CHRM5: variants seen among roughly 807,000 people sequenced by gnomAD.
CHRM5 encodes muscarinic acetylcholine receptor M5.
Under a neutral mutation model 39.0 loss-of-function variants are expected in CHRM5, and 18 were observed. The observed-to-expected ratio is 0.46, with a 90% CI of 0.32 to 0.68. The LOEUF (loss-of-function observed/expected upper bound fraction) is 0.68, where lower values mean the gene tolerates loss of function less well. Among genes scored for constraint, CHRM5 ranks in the 30% least tolerant of loss-of-function variants. The pLI is 0.04. For missense variants in CHRM5, 515 were observed against 651.1 expected, an observed-to-expected ratio of 0.79 and a Z score of 2.28; for synonymous variants, 241 against 246.3, an observed-to-expected ratio of 0.98 and a Z score of 0.20.
chr15:33,983,154 GTGTGTA>G (rs1346122590), intron 1 of CHRM5, among the ~76,000 whole-genome samples: 6 of 111,708 alleles, frequency 5.4e-5, no homozygotes, highest in East Asian at 3.1e-4. Context: ...GTGTGTGTGT[GTGTGTA>G]TGTGTGTGTG....
intron 1 of CHRM5, among the ~76,000 whole-genome samples, chr15:34,034,446 TA>T (rs34205777): frequency 0.14 from 20,725 of 143,672 alleles, 2,079 homozygotes; most frequent in African/African-American, 0.29. Flanking sequence ...GTTTCTTTTT[TA>T]AAAAAAAAAA....
chr15:34,015,398 C>A (rs1412953434), intron 1 of CHRM5, among the ~76,000 whole-genome samples: 1 of 152,008 alleles, frequency 6.6e-6, no homozygotes, highest in Non-Finnish European at 1.5e-5. Context: ...AGGAGAATAG[C>A]GTGAACCCGG....
intron 1 of CHRM5, among the ~76,000 whole-genome samples, chr15:34,009,887 A>C (rs1006034203): frequency 6.6e-6 from 1 of 152,138 alleles, no homozygotes; most frequent in Non-Finnish European, 1.5e-5. Flanking sequence ...ACTTGAGCCC[A>C]AGAGTTTGAA....
At chr15:34,000,597 G>A (rs778824254) in intron 1 of CHRM5, among the ~76,000 whole-genome samples, 4 of 152,182 alleles carry the variant, frequency 2.6e-5, no homozygotes, top group Admixed American at 6.6e-5. Flanking sequence ...CTAGAAAGCA[G>A]AATTGTTTCA....
At chr15:33,993,311 A>G (rs1010913500) in intron 1 of CHRM5, among the ~76,000 whole-genome samples, 7 of 152,242 alleles carry the variant, frequency 4.6e-5, no homozygotes, top group African/African-American at 1.7e-4. Flanking sequence ...TATCTCTTTC[A>G]GAGACTAACA....
chr15:34,038,911 CCCCGCCGCCG>C, intron 1 of CHRM5: 1 of 1,112,424 alleles, frequency 9.0e-7, no homozygotes, highest in Non-Finnish European at 1.1e-6. Context: ...CCGCCTCCGT[CCCCGCCGCCG>C]CCTCCGCCGC....
At chr15:34,049,524 T>A (rs1899852110) in intron 2 of CHRM5, among the ~76,000 whole-genome samples, 1 of 151,852 alleles carries the variant, frequency 6.6e-6, no homozygotes, top group Admixed American at 6.6e-5. Flanking sequence ...ATGAAAAGGA[T>A]CATGGGATTA....
chr15:34,035,754 A>G (rs1899086288), intron 1 of CHRM5, among the ~76,000 whole-genome samples: 2 of 151,930 alleles, frequency 1.3e-5, no homozygotes, highest in African/African-American at 4.8e-5. Context: ...AAACAATCCT[A>G]GTATTGGGGG....
Position 34,065,465 on chromosome 15 carries a change from G to A in CHRM5, c.*1149G>A, listed in dbSNP as rs1363166840. On this transcript the variant is annotated 3_prime_UTR_variant, in exon 3 of 3. Transcript: ENST00000383263. ...CAAGCAGGGGGTTGTGGGGTGAGGT[G>A]GGGGTAGAAAGTCTTTTTTTATAGG... 1 of 152,150 alleles carries A rather than the reference G, an allele frequency of 6.6e-6. No individual in the cohort carries two copies. Among genetic ancestry groups the A allele is most frequent in the Admixed American group, 6.5e-5 (1 of 15,274 alleles). 9.4% of individuals were successfully genotyped at this position (152,150 alleles called of 1,614,324 possible). A position where few individuals can be genotyped will look rare whatever the true frequency, so the allele number is the denominator to read the frequency against.
rs1353669921 is a variant in CHRM5 at position 34,065,906 on chromosome 15, T to A, written c.*1590T>A. 3 of 152,176 alleles carry A rather than the reference T, an allele frequency of 2.0e-5. No individual in the cohort carries two copies. Among genetic ancestry groups the A allele is most frequent in the Non-Finnish European group, 4.4e-5 (3 of 68,036 alleles). The allele number at this position is 152,176 out of a possible 1,614,324, so 9.4% of individuals were successfully genotyped here. On this transcript the variant is annotated 3_prime_UTR_variant, in exon 3 of 3. Coordinates refer to ENST00000383263, the MANE Select transcript of CHRM5 (RefSeq NM_012125.4). Reference sequence around the variant, plus strand: ...CGTCTTAGTGTAGGCCGGGTCCTTTTCAGTCTCATTTGCTAAGAGGATGGA... The same window carrying A: ...CGTCTTAGTGTAGGCCGGGTCCTTTACAGTCTCATTTGCTAAGAGGATGGA...
chr15:34,026,750 G>A (rs1166119526), intron 1 of CHRM5, among the ~76,000 whole-genome samples: 1 of 152,116 alleles, frequency 6.6e-6, no homozygotes, highest in Non-Finnish European at 1.5e-5. Context: ...ATGGATATGT[G>A]ATCAATTCCA....
intron 1 of CHRM5, among the ~76,000 whole-genome samples, chr15:33,976,725 A>C (rs1253877718): frequency 6.6e-6 from 1 of 152,236 alleles, no homozygotes; most frequent in Non-Finnish European, 1.5e-5. Flanking sequence ...AATTTAACAT[A>C]AATGTATTGT....
chr15:33,983,637 T>C (rs1896290331), intron 1 of CHRM5, among the ~76,000 whole-genome samples: 1 of 152,130 alleles, frequency 6.6e-6, no homozygotes, highest in Non-Finnish European at 1.5e-5. Context: ...TTTTAACACA[T>C]GCCCAGAAAT....
chr15:34,037,109 C>CA (rs59011779), intron 1 of CHRM5, among the ~76,000 whole-genome samples: 42 of 137,770 alleles, frequency 3.0e-4, no homozygotes, highest in Middle Eastern at 3.8e-3. Context: ...AACTCCGTCT[C>CA]AAAAAAAAAA....
chr15:34,002,141 T>G (rs568265862), intron 1 of CHRM5, among the ~76,000 whole-genome samples: 1 of 152,202 alleles, frequency 6.6e-6, no homozygotes, highest in African/African-American at 2.4e-5. Flanking sequence ...CTGAAACTGA[T>G]ACAATCTGCC....
At chr15:34,038,820 C>T in intron 1 of CHRM5, 1 of 1,191,496 alleles carries the variant, frequency 8.4e-7, no homozygotes, top group Non-Finnish European at 1.0e-6. Flanking sequence ...CGGCTCCCGG[C>T]GGCTGCCTCG....
At position 34,063,132 on chromosome 15, in the gene CHRM5, C is replaced by A; in HGVS notation, c.415C>A (p.Arg139=). 1.9e-6 allele frequency: 3 copies of A among 1,614,164 alleles called. No homozygotes were observed. The South Asian group carries it at 3.3e-5, about 18-fold the overall frequency. The change falls in exon 3 of 3, where the codon CGG becomes AGG. Residue 139 remains arginine, a synonymous_variant. Transcript: ENST00000383263. The surrounding 1 kb of genome is among the most constrained non-coding windows in gnomAD (Gnocchi z 4.1). ...TTCCATCACAAGACCCTTGACATAT[C>A]GGGCCAAGCGTACTCCGAAAAGGGC... ...YFSITRPLTY[R]AKRTPKRAGI...
intron 1 of CHRM5, among the ~76,000 whole-genome samples, chr15:34,001,329 G>C (rs955509560): frequency 1.3e-5 from 2 of 152,118 alleles, no homozygotes; most frequent in African/African-American, 4.8e-5. Flanking sequence ...GCCTGGACTA[G>C]AATTTTTAAC....
chr15:34,059,117 G>A (rs1315967607), intron 2 of CHRM5, among the ~76,000 whole-genome samples: 17 of 149,436 alleles, frequency 1.1e-4, no homozygotes, highest in East Asian at 7.7e-4. Context: ...GGCTGGTCTC[G>A]AATTCCTGAC....
Sources: allele counts gnomAD v4.1 joint callset (sites outside exome capture counted in the v4.1 genomes callset), GRCh38; gene constraint gnomAD v4.1.1; non-coding constraint Gnocchi (gnomAD v3.1); transcripts MANE v1.5; gene names NCBI Gene and HGNC (gene_info 2026-07-23, HGNC 2026-07-21).